The following KAZN variants were observed in gnomAD, a reference collection of about 807,000 sequenced individuals.
KAZN encodes kazrin.
A neutral mutation model predicts 87.4 loss-of-function variants in KAZN; 40 were observed. That is an observed-to-expected ratio of 0.46 (90% CI 0.36 to 0.60). The LOEUF is 0.60. Ranked by LOEUF, KAZN falls within the 20% of genes least tolerant of loss-of-function variation. KAZN has a pLI of 0.00. For synonymous variants in KAZN, 466 were observed against 458.3 expected (o/e 1.02, Z -0.22); for missense variants, 898 against 1,073.9 (o/e 0.84, Z 2.29).
At position 14,248,741 on chromosome 1, in the gene KAZN, A is replaced by G. The variant is rs1649741472; in HGVS notation, c.249+68149A>G. 2.0e-5 allele frequency among the ~76,000 whole-genome samples: 3 copies of G among 152,228 alleles called. No individual in the cohort carries two copies. The South Asian group carries it at 6.2e-4, about 32-fold the overall frequency. ...TCCCAAATTCTTTGACACTCTTCCC[A>G]TGGACAGGTGGGAGTCATGTCCCCT... On this transcript the variant is annotated intron_variant, in intron 2 of 16. Transcript: ENST00000636203.
rs138874899 is a variant in KAZN, at chr1:14,408,142, T to A, written c.250-190841T>A. Among the ~76,000 whole-genome samples, 938 of 152,310 alleles carry A rather than the reference T, an allele frequency of 6.2e-3. 39 individuals carry two copies. Among genetic ancestry groups the A allele is most frequent in the Admixed American group, 0.049 (755 of 15,300 alleles). ...TAAGGTGAGAAATCTCTTGATTTGG[T>A]CATAATTAAAAGTCCTCTCTGCAAA... On this transcript the variant is annotated intron_variant, in intron 2 of 16. Transcript: ENST00000636203.
At chr1:14,141,221 G>T (rs1645228641) in intron 1 of KAZN, among the ~76,000 whole-genome samples, 1 of 137,922 alleles carries the variant, frequency 7.3e-6, no homozygotes. Flanking sequence ...TGACACTGTT[G>T]AAGTGATTAC....
intron 2 of KAZN, among the ~76,000 whole-genome samples, chr1:14,259,950 A>G (rs1163323978): frequency 6.6e-6 from 1 of 152,192 alleles, no homozygotes; most frequent in Non-Finnish European, 1.5e-5. Context: ...GTTTTATTAA[A>G]GCACAACGCA....
intron 1 of KAZN, among the ~76,000 whole-genome samples, chr1:13,980,771 G>A (rs1194767065): frequency 6.6e-6 from 1 of 152,088 alleles, no homozygotes; most frequent in Non-Finnish European, 1.5e-5. Flanking sequence ...AGCAGTTGGA[G>A]CTTGGCTCAC....
rs150773640 is a variant in KAZN, at chr1:13,933,219, G to A, written c.91+39463G>A. On this transcript the variant is annotated intron_variant, in intron 1 of 16. Coordinates refer to the KAZN transcript ENST00000636203. ...ATTAAAAAATATTCATCGGCCGGGCGCAGTGGCTCACATCTGTAATACCAG... is the reference window on the plus strand; with the variant it reads ...ATTAAAAAATATTCATCGGCCGGGCACAGTGGCTCACATCTGTAATACCAG... Among the ~76,000 whole-genome samples, 143 of 151,738 alleles carry A rather than the reference G, an allele frequency of 9.4e-4. 1 individual carries two copies. The highest frequency in any genetic ancestry group is 3.3e-3 in the African/African-American group (137 of 41,340).
At chr1:14,357,635 G>T (rs546609109) in intron 2 of KAZN, among the ~76,000 whole-genome samples, 3 of 152,100 alleles carry the variant, frequency 2.0e-5, no homozygotes, top group Non-Finnish European at 4.4e-5. Context: ...AGCACGAAGC[G>T]GTGTTGAATT....
chr1:14,316,891 A>G (rs1389321475), intron 2 of KAZN, among the ~76,000 whole-genome samples: 1 of 151,768 alleles, frequency 6.6e-6, no homozygotes, highest in Non-Finnish European at 1.5e-5. Context: ...TGGTGAAAAA[A>G]CAGTCTGTAT....
At chr1:15,041,193 C>G (rs1439997079) in intron 3 of KAZN, among the ~76,000 whole-genome samples, 2 of 151,330 alleles carry the variant, frequency 1.3e-5, no homozygotes, top group Non-Finnish European at 2.9e-5. Flanking sequence ...AGCTCCTGAC[C>G]TCAAGTGATC....
chr1:14,398,110 T>G (rs540881659), intron 2 of KAZN, among the ~76,000 whole-genome samples: 7 of 152,338 alleles, frequency 4.6e-5, no homozygotes, highest in African/African-American at 1.7e-4. Flanking sequence ...CTAAAATGCC[T>G]GTGTTACAGT....
intron 2 of KAZN, among the ~76,000 whole-genome samples, chr1:14,539,593 A>G (rs1374042291): frequency 1.3e-5 from 2 of 152,220 alleles, no homozygotes; most frequent in African/African-American, 4.8e-5. Context: ...TGAATATCAA[A>G]GAATTAAGAG....
intron 1 of KAZN, among the ~76,000 whole-genome samples, chr1:14,645,721 A>G (rs532837566): frequency 3.3e-5 from 5 of 152,276 alleles, no homozygotes; most frequent in African/African-American, 9.6e-5. Flanking sequence ...CTCTCTTCCT[A>G]TTTGGATGCC....
chr1:14,102,261 C>A (rs373951710), intron 1 of KAZN, among the ~76,000 whole-genome samples: 1 of 152,124 alleles, frequency 6.6e-6, no homozygotes, highest in Non-Finnish European at 1.5e-5. Flanking sequence ...TCAGAGAAAT[C>A]GCTAATCATG....
intron 2 of KAZN, among the ~76,000 whole-genome samples, chr1:14,458,187 A>C (rs1667672874): frequency 6.6e-6 from 1 of 152,162 alleles, no homozygotes; most frequent in Non-Finnish European, 1.5e-5. Flanking sequence ...TTTGAATGAC[A>C]TCTTATTTTT....
chr1:13,913,396 T>A (rs1639723331), intron 1 of KAZN, among the ~76,000 whole-genome samples: 1 of 151,962 alleles, frequency 6.6e-6, no homozygotes, highest in African/African-American at 2.4e-5. Flanking sequence ...TATTTTGGGG[T>A]AGGAATCTCA....
chr1:14,049,432 G>A (rs983767740), intron 1 of KAZN, among the ~76,000 whole-genome samples: 8 of 152,116 alleles, frequency 5.3e-5, no homozygotes, highest in Non-Finnish European at 1.2e-4. Flanking sequence ...TAACCTGCAC[G>A]TTGTGCACAT....
intron 2 of KAZN, among the ~76,000 whole-genome samples, chr1:14,253,074 A>G (rs930485287): frequency 1.1e-4 from 16 of 144,522 alleles, no homozygotes; most frequent in African/African-American, 2.2e-4. Flanking sequence ...TACACTTACT[A>G]TGTTACAAGT....
intron 2 of KAZN, among the ~76,000 whole-genome samples, chr1:14,260,127 A>G (rs994194866): frequency 6.6e-6 from 1 of 151,880 alleles, no homozygotes; most frequent in Non-Finnish European, 1.5e-5. Context: ...TGTTTCCCCT[A>G]TTTATTTATT....
intron 2 of KAZN, among the ~76,000 whole-genome samples, chr1:14,396,310 T>A (rs1662898782): frequency 1.3e-5 from 2 of 152,110 alleles, no homozygotes; most frequent in African/African-American, 4.8e-5. Flanking sequence ...TCTGCAGGAA[T>A]GTACACACAG....
At chr1:14,878,210 CT>C (rs1221761596) in intron 1 of KAZN, among the ~76,000 whole-genome samples, 1 of 152,120 alleles carries the variant, frequency 6.6e-6, no homozygotes, top group Non-Finnish European at 1.5e-5. Flanking sequence ...CTGAAGGCCA[CT>C]TATCACCCCA....
Sources: allele counts gnomAD v4.1 joint callset (sites outside exome capture counted in the v4.1 genomes callset), GRCh38; gene constraint gnomAD v4.1.1; transcripts MANE v1.5; gene names NCBI Gene and HGNC (gene_info 2026-07-23, HGNC 2026-07-21).